Variants in ZNG1A observed in about 807,000 individuals in gnomAD.
ZNG1A encodes zinc-regulated GTPase metalloprotein activator 1A.
At chr9:135,037 A>G in the ZNG1A span, 6 of 1,136,638 alleles carry the variant, frequency 5.3e-6, no homozygotes, top group South Asian at 6.8e-5. Context: ...CAAACTAAAA[A>G]CAACTGATTA....
At chr9:127,144 G>A in the ZNG1A span, among the ~76,000 whole-genome samples, 26 of 152,136 alleles carry the variant, frequency 1.7e-4, 1 homozygote, top group South Asian at 1.9e-3. Flanking sequence ...TGAACAGAAC[G>A]TATATTCTGT....
the ZNG1A span, among the ~76,000 whole-genome samples, chr9:139,583 T>G: frequency 6.6e-6 from 1 of 152,058 alleles, no homozygotes; most frequent in East Asian, 1.9e-4. Flanking sequence ...CTTTCTTCCC[T>G]CCCTTACCAA....
chr9:175,283 C>T, the ZNG1A span, among the ~76,000 whole-genome samples: 2 of 151,742 alleles, frequency 1.3e-5, no homozygotes, highest in East Asian at 3.9e-4. Flanking sequence ...GAGGCTGAGG[C>T]AGGAGAATCA....
chr9:169,059 G>A, the ZNG1A span, among the ~76,000 whole-genome samples: 1 of 152,046 alleles, frequency 6.6e-6, no homozygotes, highest in Non-Finnish European at 1.5e-5. Context: ...TAAGGCTATA[G>A]CTACCATAGA....
the ZNG1A span, among the ~76,000 whole-genome samples, chr9:155,330 T>C: frequency 4.6e-5 from 7 of 151,040 alleles, no homozygotes; most frequent in African/African-American, 1.7e-4. Flanking sequence ...AGCACACCTG[T>C]AGTCCTGGCT....
chr9:131,416 A>G, the ZNG1A span, among the ~76,000 whole-genome samples: 1 of 150,690 alleles, frequency 6.6e-6, no homozygotes, highest in Non-Finnish European at 1.5e-5. Flanking sequence ...TACCTAGCAT[A>G]CAATAACTTT....
the ZNG1A span, among the ~76,000 whole-genome samples, chr9:178,410 C>G: frequency 6.7e-6 from 1 of 148,644 alleles, no homozygotes; most frequent in Non-Finnish European, 1.5e-5. Context: ...ATTTTACAGA[C>G]GGGACATCCT....
At chr9:171,881 A>C in the ZNG1A span, 1 of 661,566 alleles carries the variant, frequency 1.5e-6, no homozygotes, top group Non-Finnish European at 2.6e-6. Flanking sequence ...AACAGCTTAA[A>C]AGTACCAAGA....
chr9:136,047 A>G, the ZNG1A span, among the ~76,000 whole-genome samples: 3 of 73,340 alleles, frequency 4.1e-5, 1 homozygote, highest in East Asian at 1.6e-3. Context: ...CTTTTCCCAT[A>G]TGTTCAGTAT....
At chr9:150,309 G>A in the ZNG1A span, 1 of 316,692 alleles carries the variant, frequency 3.2e-6, no homozygotes, top group African/African-American at 2.4e-5. Context: ...TGTATTTTCA[G>A]TAGAGACGGG....
At chr9:129,105 T>C in the ZNG1A span, among the ~76,000 whole-genome samples, 1 of 151,572 alleles carries the variant, frequency 6.6e-6, no homozygotes, top group African/African-American at 2.4e-5. Flanking sequence ...ATGTACTCTT[T>C]GAGGGTTCTT....
the ZNG1A span, among the ~76,000 whole-genome samples, chr9:163,496 G>T: frequency 6.6e-6 from 1 of 152,006 alleles, no homozygotes; most frequent in African/African-American, 2.4e-5. Flanking sequence ...ACTGTCTGGG[G>T]TTTTTTAATC....
the ZNG1A span, chr9:166,625 A>G: frequency 3.3e-5 from 5 of 152,652 alleles, no homozygotes; most frequent in African/African-American, 1.2e-4. Context: ...AAGAACTTGA[A>G]AACAATACAA....
At chr9:163,107 G>A in the ZNG1A span, among the ~76,000 whole-genome samples, 2 of 151,436 alleles carry the variant, frequency 1.3e-5, no homozygotes, top group Admixed American at 6.6e-5. Context: ...CAATGATGGG[G>A]CCCAGCTTAA....
At chr9:165,569 G>C in the ZNG1A span, among the ~76,000 whole-genome samples, 1 of 133,370 alleles carries the variant, frequency 7.5e-6, no homozygotes, top group South Asian at 2.5e-4. Flanking sequence ...GGGAATATTT[G>C]GCAATGTCTG....
At chr9:127,632 C>T in the ZNG1A span, among the ~76,000 whole-genome samples, 1 of 152,130 alleles carries the variant, frequency 6.6e-6, no homozygotes, top group Non-Finnish European at 1.5e-5. Context: ...CTTACCTATT[C>T]TGCAATTCTG....
the ZNG1A span, chr9:172,151 A>G: frequency 6.2e-7 from 1 of 1,611,260 alleles, no homozygotes; most frequent in Non-Finnish European, 8.5e-7. Flanking sequence ...TCAAATTCTC[A>G]ATAGCTCTAA....
At chr9:165,012 A>C in the ZNG1A span, among the ~76,000 whole-genome samples, 2 of 152,320 alleles carry the variant, frequency 1.3e-5, no homozygotes, top group East Asian at 3.9e-4. Context: ...TAGTTTTCCA[A>C]TTTGACTCAA....
the ZNG1A span, among the ~76,000 whole-genome samples, chr9:120,870 A>G: frequency 3.4e-4 from 52 of 152,324 alleles, no homozygotes; most frequent in African/African-American, 1.2e-3. Context: ...AATCATGTAG[A>G]CCACTCCCAA....
Sources: allele counts gnomAD v4.1 joint callset (sites outside exome capture counted in the v4.1 genomes callset), GRCh38; gene constraint gnomAD v4.1.1; transcripts MANE v1.5; gene names NCBI Gene and HGNC (gene_info 2026-07-23, HGNC 2026-07-21).